The following OSBPL3 variants were observed in gnomAD, a reference collection of about 807,000 sequenced individuals.
OSBPL3 encodes oxysterol binding protein like 3, also known as oxysterol-binding protein-related protein 3.
Under a neutral mutation model 120.1 loss-of-function variants are expected in OSBPL3, and 65 were observed. That is an observed-to-expected ratio of 0.54 (90% confidence interval 0.44 to 0.67). The LOEUF is 0.67. OSBPL3 is among the 30% of genes least tolerant of loss of function. The pLI, the probability that OSBPL3 is intolerant of heterozygous loss-of-function variation, is 0.00. For missense variants in OSBPL3, 1,004 were observed against 1,082.1 expected, an observed-to-expected ratio of 0.93 and a Z score of 1.01; for synonymous variants, 416 against 402.6, an observed-to-expected ratio of 1.03 and a Z score of -0.40.
In OSBPL3 at chr7:24,849,037, G is replaced by A. The variant is rs1430071236; in HGVS notation, c.1266+32C>T. The A allele has an allele frequency of 8.8e-6, 13 of 1,479,602 alleles. No homozygotes were observed. Among genetic ancestry groups the A allele is most frequent in the South Asian group, 3.4e-5 (3 of 87,668 alleles). 91.7% of individuals were successfully genotyped at this position (1,479,602 alleles called of 1,614,324 possible). A position where few individuals can be genotyped will look rare whatever the true frequency, so the allele number is the denominator to read the frequency against. On this transcript the variant is annotated intron_variant, in intron 12 of 22. Coordinates refer to ENST00000313367, the MANE Select transcript of OSBPL3 (RefSeq NM_015550.4). This position sits in a 1 kb window ranked among gnomAD's most constrained non-coding sequence, Gnocchi z 5.4. Reference sequence around the variant, plus strand: ...GTATCACGGGAGCGGGCGGCAGCTGGGGAGACATTACCAGACGAGAAACCT... The same window carrying A: ...GTATCACGGGAGCGGGCGGCAGCTGAGGAGACATTACCAGACGAGAAACCT...
At chr7:24,931,580 C>G (rs1264750293) in intron 1 of OSBPL3, among the ~76,000 whole-genome samples, 2 of 152,146 alleles carry the variant, frequency 1.3e-5, no homozygotes, top group Non-Finnish European at 1.5e-5. Flanking sequence ...AGTGAATTCT[C>G]CACAAAAGCC....
intron 10 of OSBPL3, among the ~76,000 whole-genome samples, chr7:24,853,739 G>A (rs1376316618): frequency 6.6e-6 from 1 of 152,154 alleles, no homozygotes; most frequent in Non-Finnish European, 1.5e-5. Flanking sequence ...CTCTCAAATG[G>A]TTCCAAAAAG....
In OSBPL3 at chr7:24,863,849, A is replaced by T. The variant is rs555703280; in HGVS notation, c.674-250T>A. On this transcript the variant is annotated intron_variant, in intron 7 of 22. Coordinates refer to ENST00000313367, the MANE Select transcript of OSBPL3 (RefSeq NM_015550.4). The surrounding 1 kb of genome is among the most constrained non-coding windows in gnomAD (Gnocchi z 5.8). ...GAACTGTAACTATTGAGAAAATTGC[A>T]AAACTGCATGCCTCAACTTCCTCAT... Among the ~76,000 whole-genome samples the T allele has an allele frequency of 2.4e-4, 37 of 152,354 alleles. No individual in the cohort carries two copies. The highest frequency in any genetic ancestry group is 8.9e-4 in the African/African-American group (37 of 41,582).
chr7:24,928,201 T>TG (rs1273573948), intron 1 of OSBPL3, among the ~76,000 whole-genome samples: 3 of 150,440 alleles, frequency 2.0e-5, no homozygotes, highest in Non-Finnish European at 3.0e-5. Flanking sequence ...TTTGTTTTTT[T>TG]TTTTTTTTGA....
At position 24,939,823 on chromosome 7, in the gene OSBPL3, T is replaced by A. The variant is rs1812871236; in HGVS notation, c.-150+40063A>T. Among the ~76,000 whole-genome samples the A allele has an allele frequency of 6.6e-6, 1 of 152,084 alleles. No homozygotes were observed. Among genetic ancestry groups the A allele is most frequent in the Admixed American group, 6.5e-5 (1 of 15,274 alleles). ...GGAAAAAATCAGTAACAGGGGGCTA[T>A]AACTAAAGTTAGGAGGGTGGGAGGA... is the stretch of plus-strand genomic sequence containing the variant. On this transcript the variant is annotated intron_variant, in intron 1 of 22. Coordinates refer to ENST00000313367, the MANE Select transcript of OSBPL3 (RefSeq NM_015550.4). The surrounding 1 kb of genome is among the most constrained non-coding windows in gnomAD (Gnocchi z 4.2).
chr7:24,863,580 G>C lies in OSBPL3; in HGVS notation c.693C>G (p.Ala231=), dbSNP rs1272734705. 1 of 1,613,766 alleles carries C rather than the reference G, an allele frequency of 6.2e-7. No homozygotes were observed. Among genetic ancestry groups the C allele is most frequent in the Non-Finnish European group, 8.5e-7 (1 of 1,179,630 alleles). Residue 231 remains alanine (A), a synonymous_variant, in exon 8 of 23, where the codon GCC becomes GCG. Transcript: ENST00000313367. This position sits in a 1 kb window ranked among gnomAD's most constrained non-coding sequence, Gnocchi z 5.8. ...GGAGCTGGCTCATTTCTACCAGGTA[G>C]GCATGACAGTGCGCCAGGTCTGTGG... ...KCSKDLAHCH[A]YLVEMSQLLQ...
At chr7:24,850,401 G>A (rs974742714) in intron 11 of OSBPL3, among the ~76,000 whole-genome samples, 4 of 152,186 alleles carry the variant, frequency 2.6e-5, no homozygotes, top group Non-Finnish European at 4.4e-5. Context: ...ACGGGTGCTC[G>A]CATGCAGATT....
intron 1 of OSBPL3, among the ~76,000 whole-genome samples, chr7:24,948,845 T>C (rs1814047109): frequency 6.6e-6 from 1 of 152,216 alleles, no homozygotes; most frequent in Non-Finnish European, 1.5e-5. Context: ...TATGGCTGAA[T>C]TATGAGTCAT....
rs1384622044 is a variant in OSBPL3 at position 24,803,685 on chromosome 7, C to T, written c.2567+630G>A. 6.6e-6 allele frequency among the ~76,000 whole-genome samples: 1 copy of T among 151,932 alleles called. No homozygotes were observed. On this transcript the variant is annotated intron_variant, in intron 22 of 22. Transcript: ENST00000313367. This position sits in a 1 kb window ranked among gnomAD's most constrained non-coding sequence, Gnocchi z 4.2. The stretch of plus-strand genomic sequence containing the variant: ...ACTTAGGAGGCTGAGGCAGGAGAAT[C>T]GCTTGAACCCAGGAGGTGGAGGCTG...
At chr7:24,980,677 A>C (rs1344688420), upstream of OSBPL3, among the ~76,000 whole-genome samples, 1 of 151,892 alleles carries the variant, frequency 6.6e-6, no homozygotes, top group East Asian at 1.9e-4. Flanking sequence ...AACAGAGGAA[A>C]TACATAGGGA....
intron 1 of OSBPL3, among the ~76,000 whole-genome samples, chr7:24,931,319 A>C (rs1811763093): frequency 6.6e-6 from 1 of 152,198 alleles, no homozygotes; most frequent in Non-Finnish European, 1.5e-5. Context: ...TGGTCCACAA[A>C]TATGTCCATG....
In OSBPL3 at chr7:24,861,050, T is replaced by A. The variant is rs1181514047; in HGVS notation, c.1027+563A>T. 7.2e-5 allele frequency among the ~76,000 whole-genome samples: 11 copies of A among 152,226 alleles called. No homozygotes were observed. The South Asian group carries it at 2.3e-3, about 31-fold the overall frequency. ...ATTTTACATAGCTACAAGCAATGTATGACAGATTAAATTTATATGCATTTT... is the reference window on the plus strand; with the variant it reads ...ATTTTACATAGCTACAAGCAATGTAAGACAGATTAAATTTATATGCATTTT... On this transcript the variant is annotated intron_variant, in intron 10 of 22. Transcript: ENST00000313367.
rs1326207895 is a variant in OSBPL3, at chr7:24,852,161, C to T, written c.1158+343G>A. ...GTGTCTCATGCCCATAAAATTTCCT[C>T]CAAACTGTCAGATTTTGTAAGCATT... On this transcript the variant is annotated intron_variant, in intron 11 of 22. Transcript: ENST00000313367. The surrounding 1 kb of genome is among the most constrained non-coding windows in gnomAD (Gnocchi z 4.1). Among the ~76,000 whole-genome samples, 1 of 152,114 alleles carries T rather than the reference C, an allele frequency of 6.6e-6. No individual in the cohort carries two copies. The highest frequency in any genetic ancestry group is 1.5e-5 in the Non-Finnish European group (1 of 68,026).
rs1281625002 is a variant in OSBPL3 at position 24,940,945 on chromosome 7, A to C, written c.-150+38941T>G. On this transcript the variant is annotated intron_variant, in intron 1 of 22. Transcript: ENST00000313367. The surrounding 1 kb of genome is among the most constrained non-coding windows in gnomAD (Gnocchi z 4.4). Reference sequence around the variant, plus strand: ...AGCCATTCTCCTGCCCCAGCCTCCCAAGTAGCTGGGACTACAGGCTCCTGC... The same window carrying C: ...AGCCATTCTCCTGCCCCAGCCTCCCCAGTAGCTGGGACTACAGGCTCCTGC... 6.6e-6 allele frequency among the ~76,000 whole-genome samples: 1 copy of C among 150,880 alleles called. No homozygotes were observed. Among genetic ancestry groups the C allele is most frequent in the Non-Finnish European group, 1.5e-5 (1 of 67,794 alleles).
intron 1 of OSBPL3, among the ~76,000 whole-genome samples, chr7:24,978,832 C>G (rs1817870467): frequency 6.6e-6 from 1 of 152,274 alleles, no homozygotes; most frequent in Non-Finnish European, 1.5e-5. Flanking sequence ...GACAACTTCA[C>G]AGTCCCCTCA....
At chr7:24,882,834 T>C (rs984102508) in intron 2 of OSBPL3, among the ~76,000 whole-genome samples, 8 of 152,178 alleles carry the variant, frequency 5.3e-5, no homozygotes, top group African/African-American at 1.9e-4. Flanking sequence ...ATGTTGAACA[T>C]TTTTTCATAT....
In OSBPL3 at chr7:24,833,590, C is replaced by T. The variant is rs921256564; in HGVS notation, c.1746+896G>A. On this transcript the variant is annotated intron_variant, in intron 15 of 22. Transcript: ENST00000313367. The surrounding 1 kb of genome is among the most constrained non-coding windows in gnomAD (Gnocchi z 4.4). Reference sequence around the variant, plus strand: ...GGCTAGGTCTGTGAAGCCGAGGGGGCACTCCAATTCCAATGTAGCCAATTG... The same window carrying T: ...GGCTAGGTCTGTGAAGCCGAGGGGGTACTCCAATTCCAATGTAGCCAATTG... Among the ~76,000 whole-genome samples, 1 of 152,188 alleles carries T rather than the reference C, an allele frequency of 6.6e-6. No individual in the cohort carries two copies.
At chr7:24,858,382 C>T (rs931968719) in intron 10 of OSBPL3, among the ~76,000 whole-genome samples, 1 of 152,180 alleles carries the variant, frequency 6.6e-6, no homozygotes, top group African/African-American at 2.4e-5. Flanking sequence ...GGTCAAGATG[C>T]TTCGAGTTTG....
At chr7:24,904,920 T>G (rs112127171) in intron 1 of OSBPL3, among the ~76,000 whole-genome samples, 10 of 83,920 alleles carry the variant, frequency 1.2e-4, no homozygotes, top group African/African-American at 3.0e-4. Context: ...AATATACAGG[T>G]GTGTGTGTGT....
Sources: gnomAD v4.1 joint callset for allele counts (sites outside exome capture counted in the v4.1 genomes callset) on GRCh38, gnomAD v4.1.1 for gene constraint, Gnocchi (gnomAD v3.1) non-coding constraint, MANE v1.5 for transcripts, NCBI Gene and HGNC (gene_info 2026-07-23, HGNC 2026-07-21) for gene names.